The following TBC1D31 variants were observed in gnomAD, a reference collection of about 807,000 sequenced individuals.
The protein encoded by TBC1D31 is WD repeat domain 67.
Under a neutral mutation model 132.9 loss-of-function variants are expected in TBC1D31, and 99 were observed. The observed-to-expected ratio is 0.74, with a 90% CI of 0.63 to 0.88. TBC1D31 has a LOEUF of 0.88. Among genes scored for constraint, TBC1D31 ranks in the 40% least tolerant of loss-of-function variants. The probability of loss-of-function intolerance (pLI) is 0.00; values close to 1 mark genes in which losing one functional copy is unlikely to be tolerated. For missense variants in TBC1D31, 1,134 were observed against 1,256.6 expected (o/e 0.90, Z 1.48); for synonymous variants, 385 against 419.4 (o/e 0.92, Z 1.00).
chr8:123,163,241 A>C, the TBC1D31 span, among the ~76,000 whole-genome samples: 1 of 151,722 alleles, frequency 6.6e-6, no homozygotes, highest in African/African-American at 2.4e-5. Context: ...AAACAGCTTT[A>C]CTGACATATA....
At chr8:123,085,424 T>A (rs997632249) in intron 4 of TBC1D31, among the ~76,000 whole-genome samples, 1 of 150,916 alleles carries the variant, frequency 6.6e-6, no homozygotes, top group African/African-American at 2.4e-5. Context: ...CTTTTTTCAC[T>A]CAGCATAATT....
At position 123,144,704 on chromosome 8, in the gene TBC1D31, T is replaced by C; in HGVS notation, c.2836-13T>C. ...TTTTTATGTAATCTTTTTTTCCATT[T>C]ATTTGAATTTAGTGGAAGGAAGCTG... On this transcript the variant is annotated splice_polypyrimidine_tract_variant and intron_variant, in intron 19 of 21. Transcript: ENST00000287380. 6.3e-7 allele frequency: 1 copy of C among 1,594,958 alleles called. No individual in the cohort carries two copies. The highest frequency in any genetic ancestry group is 8.5e-7 in the Non-Finnish European group (1 of 1,174,666).
At chr8:123,120,967 T>C (rs1209922597) in intron 11 of TBC1D31, among the ~76,000 whole-genome samples, 6 of 150,406 alleles carry the variant, frequency 4.0e-5, no homozygotes, top group Non-Finnish European at 8.9e-5. Flanking sequence ...TAACCTCTTT[T>C]TTTTTTTTTT....
intron 19 of TBC1D31, 54 bp from the exon 20 acceptor site, chr8:123,144,663 A>G (rs1326714720): frequency 1.2e-5 from 18 of 1,515,998 alleles, no homozygotes; most frequent in South Asian, 6.3e-5. Flanking sequence ...CCACTGTGAA[A>G]TGTGTATTAC....
chr8:123,123,517 GACAA>G (rs1402604756), intron 11 of TBC1D31: 1 of 153,514 alleles, frequency 6.5e-6, no homozygotes, highest in Admixed American at 6.6e-5. Flanking sequence ...CACTGCAGAT[GACAA>G]ACAGCCTTTT....
At chr8:123,096,565 CATTT>C (rs1816861886) in intron 5 of TBC1D31, among the ~76,000 whole-genome samples, 1 of 152,148 alleles carries the variant, frequency 6.6e-6, no homozygotes. Context: ...AGATCAAGTT[CATTT>C]ATTTGTTTGT....
chr8:123,080,702 A>G (rs1815060355), intron 2 of TBC1D31, among the ~76,000 whole-genome samples: 1 of 151,790 alleles, frequency 6.6e-6, no homozygotes, highest in Non-Finnish European at 1.5e-5. Context: ...ACGCCCAGCT[A>G]ATTTTTTGTA....
intron 4 of TBC1D31, among the ~76,000 whole-genome samples, chr8:123,091,463 T>G (rs1045985132): frequency 6.6e-6 from 1 of 152,226 alleles, no homozygotes; most frequent in African/African-American, 2.4e-5. Context: ...TAGAAATCTG[T>G]AAGGCCTTCA....
intron 3 of TBC1D31, chr8:123,083,895 G>T (rs1209061796): frequency 2.8e-6 from 1 of 355,960 alleles, no homozygotes; most frequent in Non-Finnish European, 5.1e-6. Context: ...GCAAGAGAAA[G>T]CCCAAACTCA....
intron 4 of TBC1D31, among the ~76,000 whole-genome samples, chr8:123,089,391 T>G (rs1489922542): frequency 1.3e-5 from 2 of 152,214 alleles, no homozygotes; most frequent in Admixed American, 6.5e-5. Context: ...CCATCAAGCC[T>G]ATGATAGGAT....
At chr8:123,142,006 G>A (rs753397651) in intron 18 of TBC1D31, among the ~76,000 whole-genome samples, 3 of 151,800 alleles carry the variant, frequency 2.0e-5, no homozygotes, top group Admixed American at 1.3e-4. Context: ...GACTACAGGC[G>A]CGCGCTGCCA....
At chr8:123,135,175 C>T (rs948564234) in intron 17 of TBC1D31, among the ~76,000 whole-genome samples, 2 of 152,212 alleles carry the variant, frequency 1.3e-5, no homozygotes, top group East Asian at 1.9e-4. Flanking sequence ...GCTAGGATTA[C>T]AGGCATGAGC....
chr8:123,074,482 T>C (rs1055340701), intron 1 of TBC1D31, among the ~76,000 whole-genome samples: 1 of 152,146 alleles, frequency 6.6e-6, no homozygotes, highest in African/African-American at 2.4e-5. Context: ...ATTCCTCAAG[T>C]TTTTCATTTT....
At chr8:123,142,775 A>C (rs1821832740) in intron 19 of TBC1D31, among the ~76,000 whole-genome samples, 1 of 152,184 alleles carries the variant, frequency 6.6e-6, no homozygotes, top group Non-Finnish European at 1.5e-5. Context: ...AAAATGACTA[A>C]GCGTCTTTCT....
intron 1 of TBC1D31, among the ~76,000 whole-genome samples, chr8:123,074,414 T>C (rs530055865): frequency 6.6e-6 from 1 of 152,334 alleles, no homozygotes; most frequent in South Asian, 2.1e-4. Flanking sequence ...CTGTCAGGCC[T>C]CTTTATCAAT....
the TBC1D31 span, among the ~76,000 whole-genome samples, chr8:123,163,116 C>T: frequency 7.1e-3 from 1,086 of 152,196 alleles, 3 homozygotes; most frequent in African/African-American, 0.016. Flanking sequence ...TGAGCCACTG[C>T]GCCCGGCCCA....
At chr8:123,080,812 G>C (rs1815078453) in intron 2 of TBC1D31, among the ~76,000 whole-genome samples, 1 of 152,086 alleles carries the variant, frequency 6.6e-6, no homozygotes, top group Non-Finnish European at 1.5e-5. Flanking sequence ...TGGGATTAGA[G>C]GCGTGAGCCA....
At chr8:123,073,167 G>A in intron 1 of TBC1D31, 1 of 484,844 alleles carries the variant, frequency 2.1e-6, no homozygotes, top group South Asian at 1.8e-5. Flanking sequence ...AGTGTCCCTG[G>A]CACGTAGTAG....
intron 10 of TBC1D31, among the ~76,000 whole-genome samples, chr8:123,111,287 C>T (rs1213287898): frequency 1.3e-5 from 2 of 152,072 alleles, no homozygotes; most frequent in African/African-American, 4.8e-5. Context: ...AATTCTGTTC[C>T]TTCTCATTTT....
Sources: gnomAD v4.1 joint callset for allele counts (sites outside exome capture counted in the v4.1 genomes callset) on GRCh38, gnomAD v4.1.1 for gene constraint, MANE v1.5 for transcripts, NCBI Gene and HGNC (gene_info 2026-07-23, HGNC 2026-07-21) for gene names.